Variants in DTX4 observed in about 807,000 individuals in gnomAD.
DTX4 encodes the protein deltex E3 ubiquitin ligase 4, also known as E3 ubiquitin-protein ligase DTX4.
In DTX4, 28 loss-of-function variants were observed where a neutral mutation model predicts 57.6. The ratio of observed to expected loss-of-function variants is 0.49; its 90% CI spans 0.36 to 0.67. The LOEUF (loss-of-function observed/expected upper bound fraction) is 0.67. Among genes scored for constraint, DTX4 ranks in the 30% least tolerant of loss-of-function variants. The pLI, the probability that DTX4 is intolerant of heterozygous loss-of-function variation, is 0.00. For missense variants in DTX4, 715 were observed against 836.8 expected (o/e 0.85, Z 1.80); for synonymous variants, 316 against 331.0 (o/e 0.95, Z 0.49).
Position 59,182,088 on chromosome 11 carries a change from C to T in DTX4, c.561C>T (p.Ser187=). 3 of 1,613,004 alleles carry T rather than the reference C, an allele frequency of 1.9e-6. No homozygotes were observed. Among genetic ancestry groups the T allele is most frequent in the Non-Finnish European group, 2.5e-6 (3 of 1,179,416 alleles). ...GGCCAGCCACCTCGCCCCCCATGTC[C>T]CCCTGCTCCTGTCCCCAGTGTGTCT... is the stretch of plus-strand genomic sequence containing the variant. ...SPGPATSPPM[S]PCSCPQCVLV... The change falls in exon 2 of 9, where the codon TCC becomes TCT. Residue 187 remains serine (S), a synonymous_variant. Coordinates refer to ENST00000227451, the MANE Select transcript of DTX4 (RefSeq NM_015177.2).
In DTX4 at chr11:59,182,230, T is replaced by C. The variant is rs1388869143; in HGVS notation, c.703T>C (p.Ser235Pro). 5 of 1,609,792 alleles carry C rather than the reference T, an allele frequency of 3.1e-6. No homozygotes were observed. Among genetic ancestry groups the C allele is most frequent in the Non-Finnish European group, 1.7e-6 (2 of 1,177,834 alleles). The change falls in exon 2 of 9, where the codon TCT (serine) becomes CCT (proline). Residue 235 changes from serine (S) to proline (P), a missense_variant. Transcript: ENST00000227451. ...GGTCAAGCTACCCCCACTGCCAGGC[T>C]CTGGGGCCAAGCCACTGGACAGCAC... ...GVVKLPPLPG[S>P]GAKPLDSTGT... is the part of the protein sequence containing the mutation.
At chr11:59,180,371 C>T (rs2135513549) in intron 1 of DTX4, among the ~76,000 whole-genome samples, 1 of 152,274 alleles carries the variant, frequency 6.6e-6, no homozygotes, top group South Asian at 2.1e-4. Context: ...TCCCTTGTGT[C>T]TCTGAATGTT....
In DTX4 at chr11:59,172,568, C is replaced by A; in HGVS notation, c.-28C>A. ...GGCGCTCGGGGCCCGGGAGGCGGGC[C>A]GCGCAGCGCCGCAGCCCCGGGCTCG... is the stretch of plus-strand genomic sequence containing the variant. On this transcript the variant is annotated 5_prime_UTR_variant, in exon 1 of 9. Coordinates refer to ENST00000227451, the MANE Select transcript of DTX4 (RefSeq NM_015177.2). 3.0e-6 allele frequency: 4 copies of A among 1,324,158 alleles called. No individual in the cohort carries two copies. Among genetic ancestry groups the A allele is most frequent in the Non-Finnish European group, 3.9e-6 (4 of 1,036,260 alleles). The allele number at this position is 1,324,158 out of a possible 1,614,324, so 82.0% of individuals were successfully genotyped here. A position where few individuals can be genotyped will look rare whatever the true frequency, so the allele number is the denominator to read the frequency against.
At chr11:59,192,628 G>T (rs1290066995) in intron 6 of DTX4, among the ~76,000 whole-genome samples, 1 of 152,174 alleles carries the variant, frequency 6.6e-6, no homozygotes, top group African/African-American at 2.4e-5. Context: ...TAGACCCATG[G>T]TGAGTATTCG....
intron 4 of DTX4, among the ~76,000 whole-genome samples, 151 bp downstream of exon 4, chr11:59,189,474 C>T (rs560854485): frequency 5.9e-5 from 9 of 152,234 alleles, no homozygotes; most frequent in South Asian, 4.1e-4. Flanking sequence ...TAAATCTTGA[C>T]GATTATACCA....
Position 59,200,744 on chromosome 11 carries a change from A to G in DTX4, c.1626+971A>G, listed in dbSNP as rs535335876. Among the ~76,000 whole-genome samples the G allele has an allele frequency of 6.6e-5, 10 of 152,342 alleles. No homozygotes were observed. The East Asian group carries it at 1.7e-3, about 26-fold the overall frequency. On this transcript the variant is annotated intron_variant, in intron 8 of 8. Coordinates refer to ENST00000227451, the MANE Select transcript of DTX4 (RefSeq NM_015177.2). ...ATAAAAAATTTATGTTTGTATTTCT[A>G]TGGATGAGGCCAGAAAATCATTGGA...
rs559768787 is a variant in DTX4 at position 59,192,151 on chromosome 11, G to A, written c.1275G>A (p.Pro425=). The A allele has an allele frequency of 5.6e-5, 90 of 1,613,902 alleles. No homozygotes were observed. The highest frequency in any genetic ancestry group is 2.2e-4 in the East Asian group (10 of 44,858). The part of the protein sequence containing the change: ...RLTAPSGYKG[P]QPTVKPDLVG... ...CGGCCCCCTCAGGCTACAAGGGCCC[G>A]CAGCCTACGGTAAAACCTGACCTGG... The change falls in exon 6 of 9, where the codon CCG becomes CCA. Residue 425 remains proline (P), a synonymous_variant. Coordinates refer to ENST00000227451, the MANE Select transcript of DTX4 (RefSeq NM_015177.2).
chr11:59,208,467 G>C lies in DTX4; in HGVS notation c.*3558G>C, dbSNP rs1862844791. On this transcript the variant is annotated 3_prime_UTR_variant, in exon 9 of 9. Coordinates refer to ENST00000227451, the MANE Select transcript of DTX4 (RefSeq NM_015177.2). ...AATATTCACTTTTAAAGGTCTCTTT[G>C]CCTGGCTGCAATATAGTGTGTGTTT... The C allele has an allele frequency of 6.6e-6, 1 of 152,198 alleles. No homozygotes were observed. Among genetic ancestry groups the C allele is most frequent in the African/African-American group, 2.4e-5 (1 of 41,440 alleles). The allele number at this position is 152,198 out of a possible 1,614,324, so 9.4% of individuals were successfully genotyped here.
intron 2 of DTX4, among the ~76,000 whole-genome samples, chr11:59,187,783 T>G (rs1862546303): frequency 6.6e-6 from 1 of 152,220 alleles, no homozygotes; most frequent in South Asian, 2.1e-4. Flanking sequence ...GCCGCGCCTT[T>G]CCCAGGCAGC....
intron 1 of DTX4, among the ~76,000 whole-genome samples, chr11:59,178,441 T>C (rs1227762026): frequency 6.6e-6 from 1 of 152,240 alleles, no homozygotes; most frequent in Non-Finnish European, 1.5e-5. Flanking sequence ...TGTTTCAGAC[T>C]GAAAGCTAAT....
intron 1 of DTX4, among the ~76,000 whole-genome samples, chr11:59,179,206 G>A (rs2135512729): frequency 6.6e-6 from 1 of 152,268 alleles, no homozygotes; most frequent in East Asian, 1.9e-4. Context: ...AAATTTACGT[G>A]GGATATGTGA....
chr11:59,188,165 C>T (rs1426131322), intron 2 of DTX4, among the ~76,000 whole-genome samples: 1 of 152,164 alleles, frequency 6.6e-6, no homozygotes, highest in African/African-American at 2.4e-5. Flanking sequence ...AGATATTTTG[C>T]CCTTTGTAGA....
chr11:59,194,933 C>T (rs1472364041), intron 6 of DTX4: 26 of 471,544 alleles, frequency 5.5e-5, no homozygotes, highest in Non-Finnish European at 8.0e-5. Flanking sequence ...AGGCTCCTGC[C>T]CTAGAGAGCT....
chr11:59,204,671 T>G lies in DTX4; in HGVS notation c.1627-5T>G, dbSNP rs756744997. ...GCCTTTCATGTCCCACTTTTATCCC[T>G]CTAGGTTCTGAAGCTGCTGCTCGTG... On this transcript the variant is annotated splice_region_variant and splice_polypyrimidine_tract_variant and intron_variant, in intron 8 of 8. Transcript: ENST00000227451. 8 of 1,610,226 alleles carry G rather than the reference T, an allele frequency of 5.0e-6. No individual in the cohort carries two copies. The highest frequency in any genetic ancestry group is 6.8e-6 in the Non-Finnish European group (8 of 1,178,236).
intron 6 of DTX4, among the ~76,000 whole-genome samples, chr11:59,193,927 G>T (rs1419945967): frequency 6.6e-6 from 1 of 152,204 alleles, no homozygotes; most frequent in Non-Finnish European, 1.5e-5. Context: ...CATCCCAGCT[G>T]CGCAGCAGCA....
intron 8 of DTX4, 125 bp downstream of exon 8, chr11:59,199,898 G>C: frequency 1.4e-5 from 11 of 774,228 alleles, no homozygotes. Context: ...TCTCTTTTAA[G>C]TCTAGATGCA....
Position 59,192,158 on chromosome 11 carries a change from A to G in DTX4, c.1282A>G (p.Thr428Ala). 1 of 1,613,980 alleles carries G rather than the reference A, an allele frequency of 6.2e-7. No individual in the cohort carries two copies. Among genetic ancestry groups the G allele is most frequent in the Non-Finnish European group, 8.5e-7 (1 of 1,179,890 alleles). ...CTCAGGCTACAAGGGCCCGCAGCCTACGGTAAAACCTGACCTGGTAGGGAA... is the reference window on the plus strand; with the variant it reads ...CTCAGGCTACAAGGGCCCGCAGCCTGCGGTAAAACCTGACCTGGTAGGGAA... Reference protein sequence around the residue: ...APSGYKGPQPTVKPDLVGKLS... With the variant: ...APSGYKGPQPAVKPDLVGKLS... Residue 428 changes from threonine (T) to alanine (A), a missense_variant, in exon 6 of 9, where the codon ACG (threonine) becomes GCG (alanine). Coordinates refer to ENST00000227451, the MANE Select transcript of DTX4 (RefSeq NM_015177.2).
At position 59,182,390 on chromosome 11, in the gene DTX4, C is replaced by T. The variant is rs761753873; in HGVS notation, c.863C>T (p.Ala288Val). Residue 288 changes from alanine to valine, a missense_variant, in exon 2 of 9, where the codon GCC (alanine) becomes GTC (valine). By Grantham distance (64) the Ala-to-Val change is moderately conservative. Transcript: ENST00000227451. The stretch of plus-strand genomic sequence containing the variant: ...CCCAACAGCAAGACCGGAAGGGTGG[C>T]CCTGGCCACCTTGAATCGTACCAAC... Reference protein sequence around the residue: ...PGPNSKTGRVALATLNRTNLQ... With the variant: ...PGPNSKTGRVVLATLNRTNLQ... 1.2e-6 allele frequency: 2 copies of T among 1,613,650 alleles called. No individual in the cohort carries two copies. The highest frequency in any genetic ancestry group is 1.7e-6 in the Non-Finnish European group (2 of 1,179,800).
At chr11:59,173,083 C>T (rs1182598934) in intron 1 of DTX4, among the ~76,000 whole-genome samples, 2 of 152,232 alleles carry the variant, frequency 1.3e-5, no homozygotes, top group Admixed American at 6.5e-5. Flanking sequence ...TTCATGCCCC[C>T]GCTTTTCAGC....
Sources: allele counts gnomAD v4.1 joint callset (sites outside exome capture counted in the v4.1 genomes callset), GRCh38; gene constraint gnomAD v4.1.1; transcripts MANE v1.5; gene names NCBI Gene and HGNC (gene_info 2026-07-23, HGNC 2026-07-21).